The following EFEMP1 variants were observed in gnomAD, a reference collection of about 807,000 sequenced individuals.
EFEMP1 encodes EGF-like fibulin extracellular matrix protein 1.
In EFEMP1, 18 loss-of-function variants were observed where a neutral mutation model predicts 65.7. That is an observed-to-expected ratio of 0.27 (90% CI 0.19 to 0.41). The LOEUF is 0.41. EFEMP1 is among the 10% of genes least tolerant of loss of function. The probability of loss-of-function intolerance (pLI) is 1.00; values close to 1 mark genes in which losing one functional copy is unlikely to be tolerated. For synonymous variants in EFEMP1, 237 were observed against 219.7 expected, an observed-to-expected ratio of 1.08 and a Z score of -0.70; for missense variants, 469 against 624.8, an observed-to-expected ratio of 0.75 and a Z score of 2.66.
rs1021202036 is a variant in EFEMP1, at chr2:55,883,632, T to G, written c.518-1898A>C. Among the ~76,000 whole-genome samples, 3 of 152,186 alleles carry G rather than the reference T, an allele frequency of 2.0e-5. No homozygotes were observed. The highest frequency in any genetic ancestry group is 7.2e-5 in the African/African-American group (3 of 41,440). On this transcript the variant is annotated intron_variant, in intron 5 of 11. Coordinates refer to ENST00000355426, the MANE Select transcript of EFEMP1 (RefSeq NM_001039348.3). The surrounding 1 kb of genome is among the most constrained non-coding windows in gnomAD (Gnocchi z 4.5). ...TTCTAAGGGAGGCCTCAGCAGTGAC[T>G]GAGGCTTTTCTTTTTGACATCTATC...
At chr2:55,889,344 C>T (rs1572811062) in intron 5 of EFEMP1, among the ~76,000 whole-genome samples, 1 of 152,176 alleles carries the variant, frequency 6.6e-6, no homozygotes, top group Non-Finnish European at 1.5e-5. Flanking sequence ...CAATACTTCT[C>T]CAACTCATTA....
rs1383915711 is a variant in EFEMP1 at position 55,877,151 on chromosome 2, C to T, written c.761-409G>A. Among the ~76,000 whole-genome samples the T allele has an allele frequency of 1.3e-5, 2 of 152,264 alleles. No homozygotes were observed. Among genetic ancestry groups the T allele is most frequent in the African/African-American group, 4.8e-5 (2 of 41,558 alleles). On this transcript the variant is annotated intron_variant, in intron 7 of 11. Transcript: ENST00000355426. This position sits in a 1 kb window ranked among gnomAD's most constrained non-coding sequence, Gnocchi z 4.5. ...CACTTATACTGATATGGTCTCTCAG[C>T]ATGCTGTACTGAAGATTTATCTGTG...
At chr2:55,884,246 C>T (rs2104396455) in intron 5 of EFEMP1, among the ~76,000 whole-genome samples, 1 of 152,250 alleles carries the variant, frequency 6.6e-6, no homozygotes, top group Non-Finnish European at 1.5e-5. Context: ...ATTTAAATAA[C>T]ACAATATTAT....
intron 5 of EFEMP1, among the ~76,000 whole-genome samples, chr2:55,908,151 A>T (rs893206543): frequency 6.6e-6 from 1 of 152,216 alleles, no homozygotes. Context: ...TCACCTGTAC[A>T]CAACTAAGTG....
In EFEMP1 at chr2:55,871,188, T is replaced by C; in HGVS notation, c.1001-65A>G. On this transcript the variant is annotated intron_variant, in intron 9 of 11. Transcript: ENST00000355426. The surrounding 1 kb of genome is among the most constrained non-coding windows in gnomAD (Gnocchi z 4.2). ...AATGAACTGATCTAATTAAATCATA[T>C]AACTGGCAGATTCTGTTTGCAAGGA... The C allele has an allele frequency of 6.2e-7, 1 of 1,606,472 alleles. No homozygotes were observed. The highest frequency in any genetic ancestry group is 8.5e-7 in the Non-Finnish European group (1 of 1,176,664).
Position 55,919,951 on chromosome 2 carries a change from C to T in EFEMP1, c.82-1684G>A, listed in dbSNP as rs1322547073. 6.6e-6 allele frequency among the ~76,000 whole-genome samples: 1 copy of T among 152,194 alleles called. No homozygotes were observed. Among genetic ancestry groups the T allele is most frequent in the Non-Finnish European group, 1.5e-5 (1 of 68,036 alleles). ...TTTGCTGGCCCATGAGTAGGCAAGG[C>T]CCCGCATCTCTACATGCTGCATACA... On this transcript the variant is annotated intron_variant, in intron 3 of 11. Coordinates refer to ENST00000355426, the MANE Select transcript of EFEMP1 (RefSeq NM_001039348.3). This position sits in a 1 kb window ranked among gnomAD's most constrained non-coding sequence, Gnocchi z 4.5.
chr2:55,913,027 C>T (rs1670538532), intron 5 of EFEMP1, among the ~76,000 whole-genome samples: 1 of 152,208 alleles, frequency 6.6e-6, no homozygotes, highest in African/African-American at 2.4e-5. Context: ...CAAAGAAAGA[C>T]TCTGTCCAAC....
Position 55,877,815 on chromosome 2 carries a change from T to A in EFEMP1, c.691A>T (p.Thr231Ser). 6.2e-7 allele frequency: 1 copy of A among 1,613,338 alleles called. No homozygotes were observed. The highest frequency in any genetic ancestry group is 8.5e-7 in the Non-Finnish European group (1 of 1,179,392). ...CACTGGCAATAAAATGAGCCTGGTG[T>A]ATTCACGCATCTTTGGTGGCAATAT... ...PPYCHQRCVN[T>S]PGSFYCQCSP... Residue 231 changes from threonine (T) to serine (S), a missense_variant, in exon 7 of 12, where the codon ACA (threonine) becomes TCA (serine). By Grantham distance (58) the Thr-to-Ser change is moderately conservative. Coordinates refer to ENST00000355426, the MANE Select transcript of EFEMP1 (RefSeq NM_001039348.3). The surrounding 1 kb of genome is among the most constrained non-coding windows in gnomAD (Gnocchi z 4.5).
chr2:55,887,548 G>C (rs1669467480), intron 5 of EFEMP1, among the ~76,000 whole-genome samples: 1 of 152,134 alleles, frequency 6.6e-6, no homozygotes, highest in African/African-American at 2.4e-5. Context: ...CCCAGTTCTA[G>C]TTAGCTTTTC....
rs1293928262 is a variant in EFEMP1 at position 55,871,701 on chromosome 2, A to G, written c.1001-578T>C. ...CATAAACTATGGAGGGCAGCTTATC[A>G]TCTCTTTCAGGAACTTGGGAGAAAG... On this transcript the variant is annotated intron_variant, in intron 9 of 11. Coordinates refer to ENST00000355426, the MANE Select transcript of EFEMP1 (RefSeq NM_001039348.3). The surrounding 1 kb of genome is among the most constrained non-coding windows in gnomAD (Gnocchi z 4.2). 2.0e-5 allele frequency among the ~76,000 whole-genome samples: 3 copies of G among 152,078 alleles called. No homozygotes were observed. The highest frequency in any genetic ancestry group is 2.9e-5 in the Non-Finnish European group (2 of 68,000).
chr2:55,913,352 G>A (rs1252146124), intron 5 of EFEMP1, among the ~76,000 whole-genome samples: 1 of 152,054 alleles, frequency 6.6e-6, no homozygotes, highest in Non-Finnish European at 1.5e-5. Context: ...TACAACATAA[G>A]CCAGGTACTG....
intron 5 of EFEMP1, among the ~76,000 whole-genome samples, chr2:55,892,606 G>C (rs1669671920): frequency 1.3e-5 from 2 of 152,074 alleles, no homozygotes; most frequent in Non-Finnish European, 1.5e-5. Context: ...ACACTACTGT[G>C]TTCCTATAAA....
In EFEMP1 at chr2:55,873,247, A is replaced by G. The variant is rs1668890886; in HGVS notation, c.1000+1699T>C. On this transcript the variant is annotated intron_variant, in intron 9 of 11. Transcript: ENST00000355426. This position sits in a 1 kb window ranked among gnomAD's most constrained non-coding sequence, Gnocchi z 4.6. ...AGAAGGAACGATTTCCGTAGGAGAAAGCAATTGCTTTATACTTTAGAAGAA... is the reference window on the plus strand; with the variant it reads ...AGAAGGAACGATTTCCGTAGGAGAAGGCAATTGCTTTATACTTTAGAAGAA... Among the ~76,000 whole-genome samples the G allele has an allele frequency of 1.3e-5, 2 of 152,194 alleles. No individual in the cohort carries two copies. Among genetic ancestry groups the G allele is most frequent in the South Asian group, 4.1e-4 (2 of 4,822 alleles).
At position 55,922,870 on chromosome 2, in the gene EFEMP1, G is replaced by T. The variant is rs1446155692; in HGVS notation, c.-8+29C>A. 8.7e-7 allele frequency: 1 copy of T among 1,148,224 alleles called. No homozygotes were observed. The highest frequency in any genetic ancestry group is 1.1e-6 in the Non-Finnish European group (1 of 922,300). The allele number at this position is 1,148,224 out of a possible 1,614,324, so 71.1% of individuals were successfully genotyped here. A position where few individuals can be genotyped will look rare whatever the true frequency, so the allele number is the denominator to read the frequency against. ...TGGGGCTGCAAAACTCTGTTCTCTAGAACGTTAAGGCTTTCCCAGTATACT... is the reference window on the plus strand; with the variant it reads ...TGGGGCTGCAAAACTCTGTTCTCTATAACGTTAAGGCTTTCCCAGTATACT... On this transcript the variant is annotated intron_variant, in intron 2 of 11. Transcript: ENST00000355426. The surrounding 1 kb of genome is among the most constrained non-coding windows in gnomAD (Gnocchi z 5.5).
chr2:55,890,189 A>T (rs1669580834), intron 5 of EFEMP1, among the ~76,000 whole-genome samples: 1 of 152,020 alleles, frequency 6.6e-6, no homozygotes, highest in South Asian at 2.1e-4. Context: ...TTAGTATTAG[A>T]AGAGGTTGAC....
At chr2:55,909,718 T>C (rs888587025) in intron 5 of EFEMP1, among the ~76,000 whole-genome samples, 3 of 152,212 alleles carry the variant, frequency 2.0e-5, no homozygotes, top group African/African-American at 7.2e-5. Flanking sequence ...TTTTAGTTAA[T>C]TGTGGTGCTA....
At chr2:55,898,019 T>C (rs1669892668) in intron 5 of EFEMP1, among the ~76,000 whole-genome samples, 1 of 152,232 alleles carries the variant, frequency 6.6e-6, no homozygotes, top group Non-Finnish European at 1.5e-5. Context: ...TAAGAGTAAT[T>C]GTTGTTAACA....
chr2:55,903,448 C>G (rs760153918), intron 5 of EFEMP1, among the ~76,000 whole-genome samples: 48 of 152,196 alleles, frequency 3.2e-4, no homozygotes, highest in Non-Finnish European at 5.7e-4. Context: ...ATACTGTCAG[C>G]TACTGGAAGA....
chr2:55,881,026 C>T (rs1042799028), intron 6 of EFEMP1, among the ~76,000 whole-genome samples: 1 of 152,220 alleles, frequency 6.6e-6, no homozygotes, highest in Admixed American at 6.5e-5. Flanking sequence ...GCCTTTAATA[C>T]CCATCTGTTG....
Sources: gnomAD v4.1 joint callset for allele counts (sites outside exome capture counted in the v4.1 genomes callset) on GRCh38, gnomAD v4.1.1 for gene constraint, Gnocchi (gnomAD v3.1) non-coding constraint, MANE v1.5 for transcripts, NCBI Gene and HGNC (gene_info 2026-07-23, HGNC 2026-07-21) for gene names.